SMG6: variants seen among roughly 807,000 people sequenced by gnomAD.
The protein encoded by SMG6 is telomerase-binding protein EST1A.
Under a neutral mutation model 142.2 loss-of-function variants are expected in SMG6, and 66 were observed. That is an observed-to-expected ratio of 0.46 (90% CI 0.38 to 0.57). The LOEUF (loss-of-function observed/expected upper bound fraction) is 0.57. Ranked by LOEUF, SMG6 falls within the 20% of genes least tolerant of loss-of-function variation. The pLI is 0.00. For missense variants in SMG6, 1,793 were observed against 1,832.0 expected (o/e 0.98, Z 0.39); for synonymous variants, 779 against 702.4 (o/e 1.11, Z -1.72).
chr17:2,114,096 C>T (rs1235738160), intron 13 of SMG6, among the ~76,000 whole-genome samples: 1 of 152,058 alleles, frequency 6.6e-6, no homozygotes, highest in Non-Finnish European at 1.5e-5. Flanking sequence ...GGCGAAACCC[C>T]GTCTCTACTA....
intron 12 of SMG6, among the ~76,000 whole-genome samples, chr17:2,183,270 G>A (rs541059151): frequency 1.5e-4 from 21 of 138,730 alleles, no homozygotes; most frequent in African/African-American, 5.5e-4. Flanking sequence ...GAAAAAGAAA[G>A]AAAAAAGAAA....
intron 10 of SMG6, among the ~76,000 whole-genome samples, chr17:2,234,055 ACC>A (rs1470926281): frequency 6.6e-6 from 1 of 152,088 alleles, no homozygotes; most frequent in Non-Finnish European, 1.5e-5. Context: ...TCAGGAGCAG[ACC>A]AGTCATGAAA....
intron 8 of SMG6, among the ~76,000 whole-genome samples, chr17:2,269,451 T>C (rs1470463002): frequency 9.2e-6 from 1 of 108,286 alleles, no homozygotes; most frequent in Non-Finnish European, 2.1e-5. Flanking sequence ...AACAAAAAAC[T>C]ATACATTAAA....
chr17:2,115,703 G>T (rs1461149149), intron 13 of SMG6, among the ~76,000 whole-genome samples: 1 of 152,026 alleles, frequency 6.6e-6, no homozygotes, highest in Non-Finnish European at 1.5e-5. Context: ...GTTGCACTTG[G>T]AATAGGCAAA....
At chr17:2,164,509 G>A (rs1218740731) in intron 13 of SMG6, among the ~76,000 whole-genome samples, 3 of 152,168 alleles carry the variant, frequency 2.0e-5, no homozygotes. Context: ...TAGGGAGACT[G>A]AGGCAGGATC....
At chr17:2,099,955 T>C (rs2068960134) in intron 13 of SMG6, among the ~76,000 whole-genome samples, 2 of 152,024 alleles carry the variant, frequency 1.3e-5, no homozygotes, top group Admixed American at 1.3e-4. Flanking sequence ...CTCTGCCTTC[T>C]GGGCTCAAGT....
rs943034742 is a variant in SMG6 at position 2,130,998 on chromosome 17, C to T, written c.3357+41660G>A. On this transcript the variant is annotated intron_variant, in intron 13 of 18. Coordinates refer to ENST00000263073, the MANE Select transcript of SMG6 (RefSeq NM_017575.5). ...AGCCTGGACGACAAGAGCAAGACTC[C>T]GTCTTTAAAAAAAGATCAAATGACA... Among the ~76,000 whole-genome samples, 3 of 152,020 alleles carry T rather than the reference C, an allele frequency of 2.0e-5. 1 individual carries two copies. Among genetic ancestry groups the T allele is most frequent in the South Asian group, 4.2e-4 (2 of 4,818 alleles).
intron 6 of SMG6, among the ~76,000 whole-genome samples, chr17:2,289,497 C>T (rs2074983539): frequency 6.6e-6 from 1 of 152,122 alleles, no homozygotes; most frequent in Non-Finnish European, 1.5e-5. Context: ...GTCGAGACTG[C>T]AGTGAGCTAT....
chr17:2,153,280 C>G (rs1406949491), intron 13 of SMG6, among the ~76,000 whole-genome samples: 1 of 152,164 alleles, frequency 6.6e-6, no homozygotes, highest in Non-Finnish European at 1.5e-5. Flanking sequence ...CACCCCTGCT[C>G]TATGTACTGT....
rs200286161 is a variant in SMG6 at position 2,188,472 on chromosome 17, G to A, written c.2913C>T (p.Ala971=). The A allele has an allele frequency of 1.5e-5, 25 of 1,614,120 alleles. 1 individual carries two copies. In the East Asian group the frequency reaches 2.5e-4, roughly 16 times the overall value. ...EECRSVIQEQ[A]AALGLAMFSL... ...AAAACATGGCCAAGCCCAGAGCTGC[G>A]GCTTGTTCCTGGATCACAGAGCGGC... The change falls in exon 11 of 19, where the codon GCC becomes GCT. Residue 971 remains alanine, a synonymous_variant. Coordinates refer to ENST00000263073, the MANE Select transcript of SMG6 (RefSeq NM_017575.5).
chr17:2,291,657 G>GTCACT (rs2075040304), intron 6 of SMG6, among the ~76,000 whole-genome samples: 1 of 95,880 alleles, frequency 1.0e-5, no homozygotes, highest in Non-Finnish European at 2.6e-5. Context: ...GGATCACTTC[G>GTCACT]GCCCAGGTGT....
chr17:2,299,747 C>A lies in SMG6; in HGVS notation c.1006G>T (p.Glu336Ter). Residue 336 changes from glutamate (E) to a stop codon, truncating the protein, a stop_gained, in exon 2 of 19, where the codon GAG becomes TAG. Transcript: ENST00000263073. LOFTEE classifies it high-confidence loss of function. The surrounding 1 kb of genome is among the most constrained non-coding windows in gnomAD (Gnocchi z 4.3). Reference protein sequence around the residue: ...HLERNWSGRGEGEQKNSAKEY... With the variant: ...HLERNWSGRG The stretch of plus-strand genomic sequence containing the variant: ...TTAGCACTGTTTTTCTGCTCACCCT[C>A]CCCACGGCCAGACCAGTTTCTTTCT... 1 of 1,614,174 alleles carries A rather than the reference C, an allele frequency of 6.2e-7. No homozygotes were observed. Among genetic ancestry groups the A allele is most frequent in the Non-Finnish European group, 8.5e-7 (1 of 1,180,016 alleles).
At chr17:2,248,243 A>AT (rs1476187698) in intron 8 of SMG6, among the ~76,000 whole-genome samples, 1 of 152,240 alleles carries the variant, frequency 6.6e-6, no homozygotes, top group Admixed American at 6.5e-5. Context: ...AGGTCTTCAG[A>AT]TTCCAAACAC....
intron 15 of SMG6, among the ~76,000 whole-genome samples, chr17:2,074,962 G>C (rs558686848): frequency 6.6e-6 from 1 of 152,350 alleles, no homozygotes; most frequent in South Asian, 2.1e-4. Context: ...CCAGTGGATG[G>C]TGCTGGAGCA....
intron 6 of SMG6, among the ~76,000 whole-genome samples, chr17:2,290,775 TG>T (rs1379344961): frequency 6.6e-6 from 1 of 152,134 alleles, no homozygotes; most frequent in Non-Finnish European, 1.5e-5. Flanking sequence ...ATTTTAAAAA[TG>T]GGCAAAAAAG....
At chr17:2,228,519 G>A (rs543642153) in intron 10 of SMG6, among the ~76,000 whole-genome samples, 8 of 152,108 alleles carry the variant, frequency 5.3e-5, no homozygotes, top group East Asian at 3.9e-4. Flanking sequence ...GAGCCATCGC[G>A]CCCGGCCTAA....
intron 10 of SMG6, chr17:2,215,673 G>T (rs2072996209): frequency 6.6e-6 from 1 of 152,118 alleles, no homozygotes; most frequent in African/African-American, 2.4e-5. Context: ...TGTGGGGGGG[G>T]ATCTCACGGC....
chr17:2,227,341 AC>A (rs2151783723), intron 10 of SMG6, among the ~76,000 whole-genome samples: 1 of 152,370 alleles, frequency 6.6e-6, no homozygotes, highest in South Asian at 2.1e-4. Flanking sequence ...TCAACAGGTA[AC>A]TGGATAAACA....
At chr17:2,296,268 T>C (rs930914669) in intron 4 of SMG6, among the ~76,000 whole-genome samples, 1 of 152,192 alleles carries the variant, frequency 6.6e-6, no homozygotes, top group Admixed American at 6.5e-5. Context: ...CTGAAGTTCT[T>C]GCACTTTCCC....
Sources: gnomAD v4.1 joint callset for allele counts (sites outside exome capture counted in the v4.1 genomes callset) on GRCh38, gnomAD v4.1.1 for gene constraint, Gnocchi (gnomAD v3.1) non-coding constraint, MANE v1.5 for transcripts, NCBI Gene and HGNC (gene_info 2026-07-23, HGNC 2026-07-21) for gene names.